CSMD1: variants seen among roughly 807,000 people sequenced by gnomAD.
CSMD1 encodes the protein CUB and Sushi multiple domains 1, also known as CUB and sushi domain-containing protein 1.
Under a neutral mutation model 417.5 loss-of-function variants are expected in CSMD1, and 213 were observed. The observed-to-expected ratio is 0.51, with a 90% CI of 0.46 to 0.57. The LOEUF (loss-of-function observed/expected upper bound fraction) is 0.57. Among genes scored for constraint, CSMD1 ranks in the 20% least tolerant of loss-of-function variants. The pLI, the probability that CSMD1 is intolerant of heterozygous loss-of-function variation, is 0.00. For missense variants in CSMD1, 6,923 were observed against 4,529.7 expected, an observed-to-expected ratio of 1.53 and a Z score of -15.17; for synonymous variants, 2,862 against 1,736.8, an observed-to-expected ratio of 1.65 and a Z score of -16.11.
intron 1 of CSMD1, among the ~76,000 whole-genome samples, chr8:4,748,432 T>A (rs1408269059): frequency 6.6e-6 from 1 of 152,184 alleles, no homozygotes; most frequent in South Asian, 2.1e-4. Context: ...GCTGCTGCAG[T>A]ATCATATTTA....
chr8:4,907,448 C>A (rs1009645031), intron 1 of CSMD1, among the ~76,000 whole-genome samples: 3 of 152,172 alleles, frequency 2.0e-5, no homozygotes, highest in Non-Finnish European at 4.4e-5. Context: ...TATCCTAAAC[C>A]TCAGCATCTG....
chr8:4,944,907 T>A (rs1006339344), intron 1 of CSMD1, among the ~76,000 whole-genome samples: 1 of 152,114 alleles, frequency 6.6e-6, no homozygotes, highest in South Asian at 2.1e-4. Flanking sequence ...TCTGAGGATA[T>A]ACTCAAAACA....
chr8:3,105,825 A>T (rs1399387369), intron 46 of CSMD1, among the ~76,000 whole-genome samples: 1 of 152,270 alleles, frequency 6.6e-6, no homozygotes, highest in African/African-American at 2.4e-5. Context: ...ATGGCTAGAA[A>T]GATAACAGAT....
chr8:4,140,395 G>A (rs778311444), intron 3 of CSMD1, among the ~76,000 whole-genome samples: 36 of 150,950 alleles, frequency 2.4e-4, no homozygotes, highest in Non-Finnish European at 3.5e-4. Context: ...CTACTTCGGA[G>A]CCTGAAGCAG....
rs147372008 is a variant in CSMD1 at position 4,786,440 on chromosome 8, A to C, written c.86-148882T>G. On this transcript the variant is annotated intron_variant, in intron 1 of 69. Transcript: ENST00000635120. ...TTCTAATGTGGCATCTCCAGCATTCATCATGTATCTTGCTGATTCTCTGTT... is the reference window on the plus strand; with the variant it reads ...TTCTAATGTGGCATCTCCAGCATTCCTCATGTATCTTGCTGATTCTCTGTT... 3.9e-5 allele frequency among the ~76,000 whole-genome samples: 6 copies of C among 152,368 alleles called. No individual in the cohort carries two copies. The East Asian group carries it at 1.2e-3, about 29-fold the overall frequency.
intron 6 of CSMD1, among the ~76,000 whole-genome samples, chr8:3,734,665 T>C (rs1796436349): frequency 6.6e-6 from 1 of 152,146 alleles, no homozygotes; most frequent in Non-Finnish European, 1.5e-5. Context: ...GAGCCAAAAC[T>C]ACGCCACTGC....
intron 50 of CSMD1, among the ~76,000 whole-genome samples, chr8:3,051,839 G>T (rs577165960): frequency 2.0e-5 from 3 of 152,262 alleles, no homozygotes; most frequent in Non-Finnish European, 4.4e-5. Flanking sequence ...CTATTCTTCT[G>T]GTGGGTTTTG....
At chr8:4,870,060 T>G (rs1277576147) in intron 1 of CSMD1, among the ~76,000 whole-genome samples, 2 of 152,148 alleles carry the variant, frequency 1.3e-5, no homozygotes, top group African/African-American at 4.8e-5. Context: ...AACCGCAGAC[T>G]TCAAGACTTT....
At position 3,511,294 on chromosome 8, in the gene CSMD1, G is replaced by A. The variant is rs1384552534; in HGVS notation, c.1345-17568C>T. Reference sequence around the variant, plus strand: ...TACCTAATGTAGATGACAGGTTGATGGATACAGCAAACCACAATGGCATGT... The same window carrying A: ...TACCTAATGTAGATGACAGGTTGATAGATACAGCAAACCACAATGGCATGT... On this transcript the variant is annotated intron_variant, in intron 10 of 69. Transcript: ENST00000635120. 2.6e-5 allele frequency among the ~76,000 whole-genome samples: 4 copies of A among 151,572 alleles called. No homozygotes were observed. The East Asian group carries it at 5.8e-4, about 22-fold the overall frequency.
At chr8:3,305,823 G>A (rs1432282612) in intron 25 of CSMD1, among the ~76,000 whole-genome samples, 1 of 152,094 alleles carries the variant, frequency 6.6e-6, no homozygotes, top group African/African-American at 2.4e-5. Context: ...GGGACTACAG[G>A]TGCCTGCCAC....
intron 1 of CSMD1, among the ~76,000 whole-genome samples, chr8:4,791,682 G>C (rs1351795740): frequency 6.6e-6 from 1 of 152,166 alleles, no homozygotes; most frequent in Non-Finnish European, 1.5e-5. Context: ...CATGGAGAGA[G>C]AGGCCAGGAT....
At chr8:4,391,954 G>A (rs59836178) in intron 3 of CSMD1, among the ~76,000 whole-genome samples, 3,092 of 152,222 alleles carry the variant, frequency 0.02, 104 homozygotes, top group African/African-American at 0.07. Context: ...TAGTCTCCTT[G>A]AGCAGAAAGC....
intron 33 of CSMD1, among the ~76,000 whole-genome samples, chr8:3,199,398 T>A (rs1487822561): frequency 1.3e-5 from 2 of 152,158 alleles, no homozygotes; most frequent in Admixed American, 6.6e-5. Flanking sequence ...CGTAATTAGA[T>A]AAAATACTGT....
At chr8:4,177,174 C>A (rs1009139788) in intron 3 of CSMD1, among the ~76,000 whole-genome samples, 6 of 152,018 alleles carry the variant, frequency 3.9e-5, no homozygotes, top group East Asian at 1.9e-4. Context: ...GACCACATAG[C>A]TGGAAGTAAA....
chr8:3,514,225 C>T (rs991082402), intron 10 of CSMD1, among the ~76,000 whole-genome samples: 1 of 152,110 alleles, frequency 6.6e-6, no homozygotes, highest in African/African-American at 2.4e-5. Context: ...CTAAATAAGA[C>T]CGGCTTTCTT....
intron 49 of CSMD1, among the ~76,000 whole-genome samples, chr8:3,085,799 T>C (rs1165668963): frequency 6.6e-6 from 1 of 152,212 alleles, no homozygotes; most frequent in East Asian, 1.9e-4. Context: ...CCAGAACTCC[T>C]TGCATATCCA....
At chr8:3,559,684 T>C (rs1483788241) in intron 10 of CSMD1, among the ~76,000 whole-genome samples, 2 of 152,206 alleles carry the variant, frequency 1.3e-5, no homozygotes, top group African/African-American at 2.4e-5. Flanking sequence ...GACTGTATTA[T>C]ATCATGTTTA....
At chr8:4,020,356 T>G (rs1382059127) in intron 4 of CSMD1, among the ~76,000 whole-genome samples, 1 of 152,230 alleles carries the variant, frequency 6.6e-6, no homozygotes, top group Non-Finnish European at 1.5e-5. Flanking sequence ...TGCTCAAGAC[T>G]GCAAGATGTT....
chr8:4,190,421 C>A (rs7007375), intron 3 of CSMD1, among the ~76,000 whole-genome samples: 2 of 151,972 alleles, frequency 1.3e-5, no homozygotes, highest in African/African-American at 4.8e-5. Context: ...TAATGATTAA[C>A]GCTCATTAAT....
Sources: gnomAD v4.1 joint callset for allele counts (sites outside exome capture counted in the v4.1 genomes callset) on GRCh38, gnomAD v4.1.1 for gene constraint, MANE v1.5 for transcripts, NCBI Gene and HGNC (gene_info 2026-07-23, HGNC 2026-07-21) for gene names.